PPP1R9A: variants seen among roughly 807,000 people sequenced by gnomAD.
PPP1R9A encodes protein phosphatase 1 regulatory subunit 9A, also known as neurabin-1.
A neutral mutation model predicts 141.9 loss-of-function variants in PPP1R9A; 59 were observed. That is an observed-to-expected ratio of 0.42 (90% CI 0.34 to 0.52). PPP1R9A has a LOEUF of 0.52. Ranked by LOEUF, PPP1R9A falls within the 20% of genes least tolerant of loss-of-function variation. The pLI, the probability that PPP1R9A is intolerant of heterozygous loss-of-function variation, is 0.10. For synonymous variants in PPP1R9A, 500 were observed against 569.7 expected (o/e 0.88, Z 1.74); for missense variants, 1,444 against 1,611.9 (o/e 0.90, Z 1.78).
At chr7:95,150,725 G>A (rs1828513186) in intron 4 of PPP1R9A, among the ~76,000 whole-genome samples, 1 of 152,140 alleles carries the variant, frequency 6.6e-6, no homozygotes, top group Admixed American at 6.5e-5. Flanking sequence ...AATGAGAAGA[G>A]AAGCTATAGA....
rs1795098199 is a variant in PPP1R9A, at chr7:95,226,006, G to A, written c.2002G>A (p.Val668Ile). 1 of 1,613,522 alleles carries A rather than the reference G, an allele frequency of 6.2e-7. No homozygotes were observed. The highest frequency in any genetic ancestry group is 8.5e-7 in the Non-Finnish European group (1 of 1,179,602). Reference sequence around the variant, plus strand: ...TGAAGAAGAAGATGAGGTAGGACCTGTCCTTCCTGGCAGCGACATGGCCAT... The same window carrying A: ...TGAAGAAGAAGATGAGGTAGGACCTATCCTTCCTGGCAGCGACATGGCCAT... ...TDEEEDEVGP[V>I]LPGSDMAIEV... Residue 668 changes from valine (V) to isoleucine (I), a missense_variant, in exon 8 of 20, where the codon GTC (valine) becomes ATC (isoleucine). Coordinates refer to ENST00000433360, the MANE Select transcript of PPP1R9A (RefSeq NM_001166160.2).
At chr7:95,073,624 GTTTTTTTT>G (rs36077129) in intron 2 of PPP1R9A, among the ~76,000 whole-genome samples, 334 of 105,578 alleles carry the variant, frequency 3.2e-3, no homozygotes, top group African/African-American at 8.0e-3. Context: ...AAAGAAATAA[GTTTTTTTT>G]TTTTTTTTTT....
chr7:94,978,745 A>C (rs973614431), intron 2 of PPP1R9A, among the ~76,000 whole-genome samples: 5 of 152,164 alleles, frequency 3.3e-5, no homozygotes, highest in African/African-American at 4.8e-5. Flanking sequence ...TATTTTCCAG[A>C]ATCCATTTAA....
chr7:95,250,376 G>A (rs1798705746), intron 10 of PPP1R9A, 121 bp downstream of exon 10: 7 of 854,296 alleles, frequency 8.2e-6, no homozygotes, highest in East Asian at 5.4e-5. Flanking sequence ...TCCTATCCAG[G>A]AGCATAGTTA....
At chr7:94,974,575 A>G (rs1799222426) in intron 2 of PPP1R9A, among the ~76,000 whole-genome samples, 1 of 152,214 alleles carries the variant, frequency 6.6e-6, no homozygotes, top group South Asian at 2.1e-4. Flanking sequence ...TAATTCATCT[A>G]AGAAACACTG....
chr7:95,069,305 TAACA>T (rs1404717140), intron 2 of PPP1R9A, among the ~76,000 whole-genome samples: 1 of 152,146 alleles, frequency 6.6e-6, no homozygotes, highest in Non-Finnish European at 1.5e-5. Flanking sequence ...CTTTGTTATA[TAACA>T]AACCTAAGTG....
At chr7:95,101,918 A>G (rs917216701) in intron 2 of PPP1R9A, among the ~76,000 whole-genome samples, 3 of 151,906 alleles carry the variant, frequency 2.0e-5, no homozygotes, top group Admixed American at 6.6e-5. Context: ...AGTTTGAGTC[A>G]TTATGTGGAT....
At chr7:94,999,651 A>G (rs912862615) in intron 2 of PPP1R9A, among the ~76,000 whole-genome samples, 8 of 152,300 alleles carry the variant, frequency 5.3e-5, no homozygotes, top group African/African-American at 1.7e-4. Context: ...GAACAGATGA[A>G]CTAAGCCCAA....
intron 5 of PPP1R9A, among the ~76,000 whole-genome samples, chr7:95,188,382 T>G (rs1834956042): frequency 1.3e-5 from 2 of 152,208 alleles, no homozygotes; most frequent in African/African-American, 4.8e-5. Flanking sequence ...TCCTTATGCC[T>G]TAGGTAAGTC....
chr7:95,256,815 A>C lies in PPP1R9A; in HGVS notation c.2665+4685A>C, dbSNP rs370143466. Among the ~76,000 whole-genome samples, 416 of 152,276 alleles carry C rather than the reference A, an allele frequency of 2.7e-3. 1 individual carries two copies. Among genetic ancestry groups the C allele is most frequent in the African/African-American group, 8.5e-3 (355 of 41,584 alleles). ...GCATCAGACATCAATCATTTCCAACAAACAAAATGTAATTTTCTAAAATAT... is the reference window on the plus strand; with the variant it reads ...GCATCAGACATCAATCATTTCCAACCAACAAAATGTAATTTTCTAAAATAT... On this transcript the variant is annotated intron_variant, in intron 12 of 19. Transcript: ENST00000433360.
intron 2 of PPP1R9A, among the ~76,000 whole-genome samples, chr7:95,027,687 C>T (rs1423168655): frequency 6.6e-6 from 1 of 152,188 alleles, no homozygotes; most frequent in Non-Finnish European, 1.5e-5. Context: ...TGCTACACAC[C>T]TAGGCTATAT....
intron 7 of PPP1R9A, among the ~76,000 whole-genome samples, chr7:95,204,984 A>T (rs1196428059): frequency 6.8e-6 from 1 of 146,292 alleles, no homozygotes; most frequent in Non-Finnish European, 1.5e-5. Context: ...CACACACACC[A>T]CAGACGCACA....
intron 5 of PPP1R9A, among the ~76,000 whole-genome samples, chr7:95,174,207 C>T (rs896929554): frequency 6.6e-6 from 1 of 152,000 alleles, no homozygotes; most frequent in Non-Finnish European, 1.5e-5. Flanking sequence ...ACTACCAATC[C>T]TTTCAATACC....
chr7:95,204,827 A>G (rs1190497242), intron 7 of PPP1R9A, among the ~76,000 whole-genome samples: 2 of 142,464 alleles, frequency 1.4e-5, no homozygotes, highest in Non-Finnish European at 3.1e-5. Context: ...CACACACCAC[A>G]CATACCCTCA....
At chr7:95,000,386 T>C (rs1176120740) in intron 2 of PPP1R9A, among the ~76,000 whole-genome samples, 1 of 152,332 alleles carries the variant, frequency 6.6e-6, no homozygotes, top group East Asian at 1.9e-4. Flanking sequence ...CATACACATA[T>C]GTTTACATCT....
Position 95,192,782 on chromosome 7 carries a change from T to C in PPP1R9A, c.1755-5567T>C, listed in dbSNP as rs143429672. 4.6e-3 allele frequency among the ~76,000 whole-genome samples: 702 copies of C among 152,214 alleles called. 4 individuals carry two copies. The highest frequency in any genetic ancestry group is 0.015 in the African/African-American group (635 of 41,570). ...ACTCCTAAGTTGTACTATCATAGCA[T>C]ACCCATACTCTGAATTCATAACTGA... is the stretch of plus-strand genomic sequence containing the variant. On this transcript the variant is annotated intron_variant, in intron 5 of 19. Transcript: ENST00000433360.
chr7:95,225,263 A>G (rs547550139), intron 7 of PPP1R9A, among the ~76,000 whole-genome samples: 20 of 152,284 alleles, frequency 1.3e-4, no homozygotes, highest in African/African-American at 4.8e-4. Flanking sequence ...TCATGTCCCA[A>G]TATGCCTAAT....
chr7:95,152,812 G>A (rs1343707751), intron 4 of PPP1R9A, among the ~76,000 whole-genome samples: 1 of 149,850 alleles, frequency 6.7e-6, no homozygotes, highest in Non-Finnish European at 1.5e-5. Flanking sequence ...AGGTGACTAG[G>A]AAATATCATT....
intron 2 of PPP1R9A, among the ~76,000 whole-genome samples, chr7:94,956,065 T>G (rs1029664072): frequency 6.6e-6 from 1 of 152,152 alleles, no homozygotes; most frequent in African/African-American, 2.4e-5. Flanking sequence ...CAGTTACTGC[T>G]GGCCCCTAGC....
Sources: allele counts gnomAD v4.1 joint callset (sites outside exome capture counted in the v4.1 genomes callset), GRCh38; gene constraint gnomAD v4.1.1; transcripts MANE v1.5; gene names NCBI Gene and HGNC (gene_info 2026-07-23, HGNC 2026-07-21).